SGCD: variants seen among roughly 807,000 people sequenced by gnomAD.
The protein encoded by SGCD is delta-sarcoglycan.
In SGCD, 18 loss-of-function variants were observed where a neutral mutation model predicts 36.6. The observed-to-expected ratio is 0.49, with a 90% confidence interval of 0.34 to 0.73. SGCD has a LOEUF of 0.73. Ranked by LOEUF, SGCD falls within the 30% of genes least tolerant of loss-of-function variation. The pLI, the probability that SGCD is intolerant of heterozygous loss-of-function variation, is 0.01. For missense variants in SGCD, 387 were observed against 346.7 expected, an observed-to-expected ratio of 1.12 and a Z score of -0.92; for synonymous variants, 133 against 130.6, an observed-to-expected ratio of 1.02 and a Z score of -0.12.
At chr5:156,637,228 AC>A (rs1267631223) in intron 6 of SGCD, among the ~76,000 whole-genome samples, 25 of 152,218 alleles carry the variant, frequency 1.6e-4, no homozygotes, top group African/African-American at 6.0e-4. Context: ...ATCCCCCTCC[AC>A]CATGATTGTA....
At chr5:155,772,013 C>A in the SGCD span, among the ~76,000 whole-genome samples, 1 of 152,142 alleles carries the variant, frequency 6.6e-6, no homozygotes, top group African/African-American at 2.4e-5. Flanking sequence ...GTAATAATTA[C>A]GAATCTCTTT....
intron 1 of SGCD, among the ~76,000 whole-genome samples, chr5:156,328,246 C>T (rs1309025780): frequency 6.6e-6 from 1 of 152,232 alleles, no homozygotes. Flanking sequence ...AGTACAATGT[C>T]ATTGCATTTG....
the SGCD span, among the ~76,000 whole-genome samples, chr5:155,799,103 T>C: frequency 6.6e-6 from 1 of 152,226 alleles, no homozygotes; most frequent in Non-Finnish European, 1.5e-5. Flanking sequence ...CTTCTCTCTT[T>C]GTCCAAATAC....
At chr5:156,326,034 G>A (rs1259031798), upstream of SGCD, among the ~76,000 whole-genome samples, 1 of 152,154 alleles carries the variant, frequency 6.6e-6, no homozygotes, top group Non-Finnish European at 1.5e-5. Flanking sequence ...TGTGATTTTT[G>A]GAAGTAAAAT....
chr5:156,739,484 ATAT>A (rs960063117), intron 7 of SGCD, among the ~76,000 whole-genome samples: 1 of 152,198 alleles, frequency 6.6e-6, no homozygotes, highest in Non-Finnish European at 1.5e-5. Flanking sequence ...GGAAATGGAT[ATAT>A]TAAGAGTAAG....
At chr5:156,673,276 C>T (rs1255562130) in intron 7 of SGCD, among the ~76,000 whole-genome samples, 1 of 152,190 alleles carries the variant, frequency 6.6e-6, no homozygotes, top group Non-Finnish European at 1.5e-5. Context: ...CATAATATAT[C>T]ATTTCCGAAA....
At chr5:155,986,947 C>T (rs548481307) in intron 1 of SGCD, among the ~76,000 whole-genome samples, 40 of 152,228 alleles carry the variant, frequency 2.6e-4, no homozygotes, top group African/African-American at 9.1e-4. Context: ...CTGCAAAGCT[C>T]TTATAGAATT....
the SGCD span, among the ~76,000 whole-genome samples, chr5:155,811,359 A>T: frequency 6.6e-6 from 1 of 152,120 alleles, no homozygotes; most frequent in Admixed American, 6.5e-5. Flanking sequence ...ATTGGCATAC[A>T]GTTAAAAGGT....
chr5:155,978,429 G>A (rs936376046), intron 1 of SGCD, among the ~76,000 whole-genome samples: 1 of 152,242 alleles, frequency 6.6e-6, no homozygotes, highest in Non-Finnish European at 1.5e-5. Context: ...ACAACCTTGT[G>A]AAGGAATGAA....
At chr5:155,948,510 A>G (rs1221570287) in intron 1 of SGCD, among the ~76,000 whole-genome samples, 4 of 152,188 alleles carry the variant, frequency 2.6e-5, no homozygotes, top group Non-Finnish European at 5.9e-5. Context: ...TGTTTGCATC[A>G]TTCAGGCAAA....
intron 3 of SGCD, among the ~76,000 whole-genome samples, chr5:156,189,098 C>G (rs1453200632): frequency 6.6e-6 from 1 of 152,200 alleles, no homozygotes; most frequent in African/African-American, 2.4e-5. Context: ...TGACTCTCCA[C>G]CACCATGGGT....
chr5:156,285,718 A>G (rs1439024688), intron 3 of SGCD, among the ~76,000 whole-genome samples: 2 of 152,166 alleles, frequency 1.3e-5, no homozygotes, highest in East Asian at 1.9e-4. Flanking sequence ...AACCATAAAA[A>G]CCCTAGAAGA....
chr5:155,932,956 T>C (rs1561654353), intron 1 of SGCD, among the ~76,000 whole-genome samples: 1 of 152,188 alleles, frequency 6.6e-6, no homozygotes, highest in Non-Finnish European at 1.5e-5. Flanking sequence ...ATGTCAGGGC[T>C]GGGAAAGACC....
rs549463139 is a variant in SGCD, at chr5:156,760,326, G to C, written c.*936G>C. On this transcript the variant is annotated 3_prime_UTR_variant, in exon 9 of 9. Coordinates refer to ENST00000337851, the MANE Select transcript of SGCD (RefSeq NM_000337.6). ...TGATCAGGTCAATCAAAATCCCTAA[G>C]AGCAGAACTCCTACCCCAAAAGAAG... is the stretch of plus-strand genomic sequence containing the variant. 1 of 152,312 alleles carries C rather than the reference G, an allele frequency of 6.6e-6. No individual in the cohort carries two copies. Among genetic ancestry groups the C allele is most frequent in the African/African-American group, 2.4e-5 (1 of 41,570 alleles). 9.4% of individuals were successfully genotyped at this position (152,312 alleles called of 1,614,324 possible).
chr5:156,569,287 C>T (rs756536849), intron 4 of SGCD, among the ~76,000 whole-genome samples: 2 of 151,518 alleles, frequency 1.3e-5, no homozygotes, highest in Non-Finnish European at 2.9e-5. Context: ...TAGGAGGAGA[C>T]AGACAAAAAA....
At chr5:156,074,147 A>G (rs879845561) in intron 1 of SGCD, among the ~76,000 whole-genome samples, 1 of 152,220 alleles carries the variant, frequency 6.6e-6, no homozygotes, top group African/African-American at 2.4e-5. Context: ...TTTATTATAT[A>G]TCTTTTGGAA....
chr5:156,486,122 C>T (rs559279574), intron 3 of SGCD, among the ~76,000 whole-genome samples: 6 of 152,174 alleles, frequency 3.9e-5, no homozygotes, highest in African/African-American at 1.2e-4. Context: ...ATATCCTGCC[C>T]TGAGGCCCAA....
chr5:156,572,160 T>A (rs569163334), intron 4 of SGCD, among the ~76,000 whole-genome samples: 4 of 152,198 alleles, frequency 2.6e-5, no homozygotes, highest in African/African-American at 9.7e-5. Flanking sequence ...ATTGGGCATT[T>A]GTATTGTTTC....
At chr5:156,565,137 G>T (rs1156916050) in intron 4 of SGCD, among the ~76,000 whole-genome samples, 2 of 152,112 alleles carry the variant, frequency 1.3e-5, no homozygotes, top group Admixed American at 6.6e-5. Context: ...CATAAATGTG[G>T]AGCATTTCTC....
Sources: gnomAD v4.1 joint callset for allele counts (sites outside exome capture counted in the v4.1 genomes callset) on GRCh38, gnomAD v4.1.1 for gene constraint, MANE v1.5 for transcripts, NCBI Gene and HGNC (gene_info 2026-07-23, HGNC 2026-07-21) for gene names.